The following NTN4 variants were observed in gnomAD, a reference collection of about 807,000 sequenced individuals.
NTN4 encodes netrin 4, also known as netrin-4.
In NTN4, 32 loss-of-function variants were observed where a neutral mutation model predicts 73.6. That is an observed-to-expected ratio of 0.44 (90% CI 0.33 to 0.58). The LOEUF (loss-of-function observed/expected upper bound fraction) is 0.58, where lower values mean the gene tolerates loss of function less well. Ranked by LOEUF, NTN4 falls within the 20% of genes least tolerant of loss-of-function variation. The pLI is 0.04. For missense variants in NTN4, 654 were observed against 798.3 expected (o/e 0.82, Z 2.18); for synonymous variants, 258 against 287.5 (o/e 0.90, Z 1.04).
intron 3 of NTN4, among the ~76,000 whole-genome samples, chr12:95,735,331 C>T (rs1161887976): frequency 6.6e-6 from 1 of 152,050 alleles, no homozygotes; most frequent in East Asian, 1.9e-4. Context: ...GCCACTTAGG[C>T]TGTTTTTTAC....
intron 4 of NTN4, 21 bp from the exon 5 acceptor site, chr12:95,710,650 G>A (rs1443940508): frequency 1.9e-6 from 3 of 1,603,506 alleles, no homozygotes; most frequent in Non-Finnish European, 1.7e-6. Flanking sequence ...GAAGCGTGGA[G>A]AGAAACACTA....
intron 2 of NTN4, among the ~76,000 whole-genome samples, chr12:95,750,679 GT>G (rs1052810253): frequency 2.0e-5 from 3 of 152,044 alleles, no homozygotes; most frequent in Admixed American, 6.5e-5. Context: ...CCTCCCGCCT[GT>G]CCCCTCAGTA....
At chr12:95,761,169 T>C (rs1004238732) in intron 2 of NTN4, among the ~76,000 whole-genome samples, 1 of 152,148 alleles carries the variant, frequency 6.6e-6, no homozygotes, top group South Asian at 2.1e-4. Context: ...AGACTTTCAT[T>C]TTGGTCCTGC....
intron 5 of NTN4, among the ~76,000 whole-genome samples, chr12:95,708,145 A>T (rs901747227): frequency 2.6e-5 from 4 of 152,066 alleles, no homozygotes; most frequent in Admixed American, 1.3e-4. Flanking sequence ...TAAATAAGGT[A>T]TTTTTGATCA....
intron 2 of NTN4, among the ~76,000 whole-genome samples, chr12:95,758,563 T>C (rs2078962861): frequency 1.3e-5 from 2 of 152,174 alleles, no homozygotes; most frequent in African/African-American, 2.4e-5. Flanking sequence ...TAGTTTTTTA[T>C]TTTATTTTAT....
intron 7 of NTN4, among the ~76,000 whole-genome samples, chr12:95,674,731 G>A (rs185145381): frequency 6.6e-6 from 1 of 152,186 alleles, no homozygotes; most frequent in Non-Finnish European, 1.5e-5. Flanking sequence ...AACACTTGTT[G>A]AAAAAGGTGC....
At chr12:95,741,652 A>C (rs2078828010) in intron 2 of NTN4, among the ~76,000 whole-genome samples, 1 of 147,700 alleles carries the variant, frequency 6.8e-6, no homozygotes, top group African/African-American at 2.5e-5. Flanking sequence ...AATTATATAT[A>C]ATTTATAAAT....
At chr12:95,757,699 AAAG>A in intron 2 of NTN4, among the ~76,000 whole-genome samples, 1 of 152,036 alleles carries the variant, frequency 6.6e-6, no homozygotes, top group Non-Finnish European at 1.5e-5. Flanking sequence ...AAAAAAAAAA[AAAG>A]ATCCGTGAGC....
In NTN4 at chr12:95,782,480, C is replaced by T. The variant is rs1592720769; in HGVS notation, c.585+4459G>A. The stretch of plus-strand genomic sequence containing the variant: ...CTGGCTAACTTTTTTGTATTTTTAG[C>T]AGAGACAGGGTTTCACCATGTTGGC... On this transcript the variant is annotated intron_variant, in intron 2 of 9. Transcript: ENST00000343702. 1.3e-5 allele frequency among the ~76,000 whole-genome samples: 2 copies of T among 151,806 alleles called. 1 individual carries two copies. The highest frequency in any genetic ancestry group is 1.3e-4 in the Admixed American group (2 of 15,244).
chr12:95,787,900 C>T (rs2079181618), intron 1 of NTN4, among the ~76,000 whole-genome samples: 1 of 152,064 alleles, frequency 6.6e-6, no homozygotes, highest in Non-Finnish European at 1.5e-5. Flanking sequence ...TTTTTAAGAC[C>T]ACCTAAGTTA....
chr12:95,754,957 A>G (rs1427180296), intron 2 of NTN4, among the ~76,000 whole-genome samples: 6 of 152,206 alleles, frequency 3.9e-5, no homozygotes, highest in Non-Finnish European at 8.8e-5. Flanking sequence ...CATCTGGTTA[A>G]TTCAGTTAAA....
chr12:95,737,121 C>T (rs2078783579), intron 3 of NTN4, among the ~76,000 whole-genome samples: 1 of 152,206 alleles, frequency 6.6e-6, no homozygotes, highest in Non-Finnish European at 1.5e-5. Flanking sequence ...ACTGCTGAGC[C>T]ACTCTGTATC....
chr12:95,683,240 T>G (rs1337488805), intron 6 of NTN4, among the ~76,000 whole-genome samples: 1 of 152,108 alleles, frequency 6.6e-6, no homozygotes, highest in Non-Finnish European at 1.5e-5. Flanking sequence ...TTTTGTATTT[T>G]TAGTAGAGAT....
At chr12:95,703,217 G>A (rs535040794) in intron 5 of NTN4, among the ~76,000 whole-genome samples, 3 of 152,238 alleles carry the variant, frequency 2.0e-5, no homozygotes, top group East Asian at 3.9e-4. Context: ...GAAAAGGGCT[G>A]TCATATGTTC....
In NTN4 at chr12:95,703,098, C is replaced by T. The variant is rs781129216; in HGVS notation, c.1180+7343G>A. 9.9e-5 allele frequency among the ~76,000 whole-genome samples: 15 copies of T among 152,184 alleles called. 1 individual carries two copies. Among genetic ancestry groups the T allele is most frequent in the Middle Eastern group, 3.4e-3 (1 of 290 alleles). ...TCTCGAACTCCTGACCTCAGGTGAT[C>T]CACCGGCCTTGGCCTCCCAAAGTGC... is the stretch of plus-strand genomic sequence containing the variant. On this transcript the variant is annotated intron_variant, in intron 5 of 9. Transcript: ENST00000343702.
intron 9 of NTN4, among the ~76,000 whole-genome samples, chr12:95,660,235 G>C (rs973343187): frequency 6.6e-6 from 1 of 152,010 alleles, no homozygotes; most frequent in Middle Eastern, 3.2e-3. Flanking sequence ...GGCTGGTCTC[G>C]AACTCCTGAC....
At chr12:95,687,631 CGT>C (rs2078371934) in intron 5 of NTN4, among the ~76,000 whole-genome samples, 1 of 151,964 alleles carries the variant, frequency 6.6e-6, no homozygotes, top group Non-Finnish European at 1.5e-5. Flanking sequence ...GAACTCCTGA[CGT>C]CAAGTGATCT....
chr12:95,734,862 A>G (rs138576630), intron 3 of NTN4, among the ~76,000 whole-genome samples: 2 of 152,254 alleles, frequency 1.3e-5, no homozygotes, highest in African/African-American at 4.8e-5. Context: ...CAACATGGAG[A>G]AACCCCATCT....
rs529684376 is a variant in NTN4 at position 95,737,884 on chromosome 12, G to A, written c.846C>T (p.Ala282=). The part of the protein sequence containing the change: ...IPVHGFRPVK[A]PGTFHMVHGK... ...CACCTACCATGTGGAATGTTCCTGGGGCCTTGACAGGTCTGAAGCCATGAA... is the reference window on the plus strand; with the variant it reads ...CACCTACCATGTGGAATGTTCCTGGAGCCTTGACAGGTCTGAAGCCATGAA... Residue 282 remains alanine, a synonymous_variant, in exon 3 of 10, where the codon GCC becomes GCT. Transcript: ENST00000343702. 149 of 1,612,534 alleles carry A rather than the reference G, an allele frequency of 9.2e-5. No homozygotes were observed. Among genetic ancestry groups the A allele is most frequent in the Non-Finnish European group, 1.2e-4 (142 of 1,178,888 alleles).
Sources: gnomAD v4.1 joint callset for allele counts (sites outside exome capture counted in the v4.1 genomes callset) on GRCh38, gnomAD v4.1.1 for gene constraint, MANE v1.5 for transcripts, NCBI Gene and HGNC (gene_info 2026-07-23, HGNC 2026-07-21) for gene names.